ZNF705G: variants seen among roughly 807,000 people sequenced by gnomAD.
ZNF705G encodes the protein putative zinc finger protein 705G.
In ZNF705G, 23 loss-of-function variants were observed where a neutral mutation model predicts 19.6. That is an observed-to-expected ratio of 1.17 (90% CI 0.84 to 1.66). The LOEUF is 1.66. Among genes scored for constraint, ZNF705G ranks in the 40% most tolerant of loss-of-function variants. ZNF705G has a pLI of 0.00. For synonymous variants in ZNF705G, 146 were observed against 117.7 expected (o/e 1.24, Z -1.56); for missense variants, 457 against 354.4 (o/e 1.29, Z -2.32).
chr8:7,376,684 A>T (rs1306552054), intron 2 of ZNF705G, among the ~76,000 whole-genome samples: 1 of 150,082 alleles, frequency 6.7e-6, no homozygotes, highest in African/African-American at 2.5e-5. Context: ...CCAGTGCCAG[A>T]GATATGAGTA....
intron 2 of ZNF705G, among the ~76,000 whole-genome samples, chr8:7,369,562 A>G (rs978126659): frequency 6.7e-6 from 1 of 149,668 alleles, no homozygotes; most frequent in African/African-American, 2.6e-5. Context: ...TATCCAAAAG[A>G]AAATAAATTG....
rs1361504920 is a variant in ZNF705G at position 7,355,603 on chromosome 8, T to A, written c.*2373A>T. The A allele has an allele frequency of 2.0e-5, 3 of 149,766 alleles. No homozygotes were observed. The highest frequency in any genetic ancestry group is 3.9e-4 in the East Asian group (2 of 5,186). The allele number at this position is 149,766 out of a possible 1,614,324, so 9.3% of individuals were successfully genotyped here. On this transcript the variant is annotated 3_prime_UTR_variant, in exon 7 of 7. Coordinates refer to ENST00000400156, the MANE Select transcript of ZNF705G (RefSeq NM_001164457.3). ...CAAAAGCCGATTGATTCCCTCTATG[T>A]GGAGGGAAGACGAGCTTGAATAAGA... is the stretch of plus-strand genomic sequence containing the variant.
intron 2 of ZNF705G, among the ~76,000 whole-genome samples, chr8:7,369,108 G>T (rs111253520): frequency 6.7e-6 from 1 of 149,486 alleles, no homozygotes; most frequent in Admixed American, 6.6e-5. Flanking sequence ...ATCACAACTC[G>T]TGAGACTTAT....
chr8:7,361,174 G>C lies in ZNF705G; in HGVS notation c.75C>G (p.Asp25Glu). The change falls in exon 4 of 7, where the codon GAC becomes GAG. Residue 25 changes from aspartate to glutamate, a missense_variant. Asp to Glu is a conservative substitution (Grantham distance 45). Coordinates refer to ENST00000400156, the MANE Select transcript of ZNF705G (RefSeq NM_001164457.3). ...DFTQEEWAMM[D>E]TSKRKLYRDV... ...CTCTGTACAGCTTTCTCTTGGATGT[G>C]TCCATCATGGCCCACTCTTCCTGGG... 4 of 1,593,050 alleles carry C rather than the reference G, an allele frequency of 2.5e-6. No homozygotes were observed. Among genetic ancestry groups the C allele is most frequent in the Non-Finnish European group, 2.5e-6 (3 of 1,179,454 alleles).
At position 7,371,457 on chromosome 8, in the gene ZNF705G, G is replaced by T. The variant is rs1324090063; in HGVS notation, c.-71-8440C>A. Among the ~76,000 whole-genome samples the T allele has an allele frequency of 3.7e-5, 4 of 107,878 alleles. 1 individual carries two copies. The highest frequency in any genetic ancestry group is 2.0e-4 in the Admixed American group (2 of 9,828). The allele number at this position is 107,878 out of a possible 152,430, so 70.8% of individuals were successfully genotyped here. On this transcript the variant is annotated intron_variant, in intron 2 of 6. Coordinates refer to ENST00000400156, the MANE Select transcript of ZNF705G (RefSeq NM_001164457.3). ...AAAATTTGCTAAAAGGGTAGATTTTGTATTCTTACCAATATTTCTTACCAA... is the reference window on the plus strand; with the variant it reads ...AAAATTTGCTAAAAGGGTAGATTTTTTATTCTTACCAATATTTCTTACCAA...
At position 7,362,796 on chromosome 8, in the gene ZNF705G, A is replaced by G. The variant is rs1473299274; in HGVS notation, c.12+139T>C. ...CCTCCTGATTGCATTTGGAACACCC[A>G]GGCAGGGTGGATTTTACATCATAAA... On this transcript the variant is annotated intron_variant, in intron 3 of 6. Coordinates refer to ENST00000400156, the MANE Select transcript of ZNF705G (RefSeq NM_001164457.3). 1.7e-5 allele frequency: 26 copies of G among 1,570,928 alleles called. No homozygotes were observed. The East Asian group carries it at 4.9e-4, about 30-fold the overall frequency.
intron 2 of ZNF705G, among the ~76,000 whole-genome samples, chr8:7,365,294 C>T (rs1482950851): frequency 2.0e-5 from 3 of 148,870 alleles, no homozygotes; most frequent in African/African-American, 7.8e-5. Flanking sequence ...TTCACCAGAG[C>T]AGAAATAACA....
At position 7,357,412 on chromosome 8, in the gene ZNF705G, A is replaced by T. The variant is rs1299198081; in HGVS notation, c.*564T>A. 1.2e-5 allele frequency: 2 copies of T among 160,886 alleles called. No individual in the cohort carries two copies. The allele number at this position is 160,886 out of a possible 1,614,324, so 10.0% of individuals were successfully genotyped here. ...GGTGCTTGGCTGAATGTTCATTCAC[A>T]GAAAATACAAATAAAGGGTTCATCC... is the stretch of plus-strand genomic sequence containing the variant. On this transcript the variant is annotated 3_prime_UTR_variant, in exon 7 of 7. Transcript: ENST00000400156.
At chr8:7,368,722 G>C (rs1157319542) in intron 2 of ZNF705G, among the ~76,000 whole-genome samples, 5 of 149,730 alleles carry the variant, frequency 3.3e-5, no homozygotes, top group Non-Finnish European at 2.9e-5. Context: ...GGAGGCCTAG[G>C]AGGGAAGAAT....
intron 2 of ZNF705G, among the ~76,000 whole-genome samples, chr8:7,380,673 CAT>C (rs1444804884): frequency 1.4e-5 from 2 of 146,268 alleles, no homozygotes; most frequent in East Asian, 3.9e-4. Flanking sequence ...TGATGCTACA[CAT>C]GCCTCCCAGG....
chr8:7,359,053 A>C (rs1806439194), intron 6 of ZNF705G, among the ~76,000 whole-genome samples: 2 of 149,606 alleles, frequency 1.3e-5, no homozygotes, highest in Non-Finnish European at 2.9e-5. Flanking sequence ...TTATGTAAAA[A>C]AATCCAGATT....
chr8:7,361,149 C>A lies in ZNF705G; in HGVS notation c.100G>T (p.Asp34Tyr). 4 of 1,593,040 alleles carry A rather than the reference C, an allele frequency of 2.5e-6. 1 individual carries two copies. The highest frequency in any genetic ancestry group is 3.4e-6 in the Non-Finnish European group (4 of 1,179,450). Residue 34 changes from aspartate to tyrosine, a missense_variant, in exon 4 of 7, where the codon GAT (aspartate) becomes TAT (tyrosine). By Grantham distance (160) the Asp-to-Tyr change is radical (BLOSUM62 -3). Coordinates refer to ENST00000400156, the MANE Select transcript of ZNF705G (RefSeq NM_001164457.3). The part of the protein sequence containing the change: ...MDTSKRKLYR[D>Y]VMLENISHLV... ...TGACTGATATTTTCCAGCATCACAT[C>A]TCTGTACAGCTTTCTCTTGGATGTG...
intron 2 of ZNF705G, among the ~76,000 whole-genome samples, chr8:7,369,940 T>C (rs1341592763): frequency 2.7e-5 from 4 of 149,188 alleles, no homozygotes; most frequent in South Asian, 4.2e-4. Context: ...TTGGGTATTA[T>C]GTTTTCTATC....
chr8:7,382,050 A>G (rs1308434371), intron 1 of ZNF705G, among the ~76,000 whole-genome samples: 2 of 152,172 alleles, frequency 1.3e-5, no homozygotes, highest in South Asian at 2.1e-4. Context: ...AGGGCGTGAT[A>G]CAAAAGTGGC....
rs748551083 is a variant in ZNF705G, at chr8:7,358,311, G to A, written c.568C>T (p.His190Tyr). ...AYTNCFHLRR[H>Y]KMTHTGERPY... The stretch of plus-strand genomic sequence containing the variant: ...CTCTCTCCAGTGTGAGTCATCTTGT[G>A]CCGTCTAAGGTGAAAGCAATTAGTA... The change falls in exon 7 of 7, where the codon CAC becomes TAC. Residue 190 changes from histidine to tyrosine, a missense_variant. Physicochemically the swap from His to Tyr is moderately conservative, Grantham distance 83. Transcript: ENST00000400156. 3 of 1,607,620 alleles carry A rather than the reference G, an allele frequency of 1.9e-6. No homozygotes were observed. In the African/African-American group the frequency reaches 4.2e-5, roughly 23 times the overall value.
At position 7,358,210 on chromosome 8, in the gene ZNF705G, C is replaced by T. The variant is rs750717464; in HGVS notation, c.669G>A (p.Thr223=). The change falls in exon 7 of 7, where the codon ACG becomes ACA. Residue 223 remains threonine (T), a synonymous_variant. Transcript: ENST00000400156. The part of the protein sequence containing the change: ...SHLRRHEKTH[T]GQRPYKCHQY... ...GATGACACTTATATGGTCTCTGTCCCGTGTGAGTTTTCTCGTGTCTTCTAA... is the reference window on the plus strand; with the variant it reads ...GATGACACTTATATGGTCTCTGTCCTGTGTGAGTTTTCTCGTGTCTTCTAA... 1.3e-4 allele frequency: 207 copies of T among 1,607,372 alleles called. 3 individuals carry two copies. Among genetic ancestry groups the T allele is most frequent in the Admixed American group, 3.0e-4 (18 of 59,918 alleles).
At chr8:7,379,477 T>G (rs539713988) in intron 2 of ZNF705G, among the ~76,000 whole-genome samples, 1 of 146,340 alleles carries the variant, frequency 6.8e-6, no homozygotes, top group East Asian at 1.9e-4. Flanking sequence ...TACCAGGCAC[T>G]GTGTCCTCCC....
chr8:7,376,880 A>AGTGT lies in ZNF705G; in HGVS notation c.-72+4568_-72+4571dup, dbSNP rs71264895. Among the ~76,000 whole-genome samples the AGTGT allele has an allele frequency of 9.0e-3, 1,303 of 145,022 alleles. 2 individuals carry two copies. The highest frequency in any genetic ancestry group is 0.021 in the Middle Eastern group (6 of 282). On this transcript the variant is annotated intron_variant, in intron 2 of 6. Coordinates refer to ENST00000400156, the MANE Select transcript of ZNF705G (RefSeq NM_001164457.3). Reference sequence around the variant, plus strand: ...CTATTATAATCTATCATATAGAGAGAGTGTGTGTGTGTGTGTAGGAATAAA... The same window carrying AGTGT: ...CTATTATAATCTATCATATAGAGAGAGTGTGTGTGTGTGTGTGTGTAGGAATAAA...
chr8:7,382,149 G>A (rs1476707772), intron 1 of ZNF705G, among the ~76,000 whole-genome samples: 5 of 150,832 alleles, frequency 3.3e-5, no homozygotes, highest in Non-Finnish European at 7.4e-5. Context: ...AAGAGCAAAT[G>A]ACTCCACTCA....
Sources: gnomAD v4.1 joint callset for allele counts (sites outside exome capture counted in the v4.1 genomes callset) on GRCh38, gnomAD v4.1.1 for gene constraint, MANE v1.5 for transcripts, NCBI Gene and HGNC (gene_info 2026-07-23, HGNC 2026-07-21) for gene names.